CEP162: variants seen among roughly 807,000 people sequenced by gnomAD.
The protein encoded by CEP162 is centrosomal protein 162.
A neutral mutation model predicts 169.2 loss-of-function variants in CEP162; 141 were observed. That is an observed-to-expected ratio of 0.83 (90% confidence interval 0.73 to 0.96). The LOEUF is 0.96. CEP162 is among the 40% of genes least tolerant of loss of function. The pLI, the probability that CEP162 is intolerant of heterozygous loss-of-function variation, is 0.00. For synonymous variants in CEP162, 540 were observed against 526.4 expected, an observed-to-expected ratio of 1.03 and a Z score of -0.35; for missense variants, 1,600 against 1,587.2, an observed-to-expected ratio of 1.01 and a Z score of -0.14.
chr6:84,153,974 G>C (rs771216728), intron 22 of CEP162, among the ~76,000 whole-genome samples: 9 of 152,130 alleles, frequency 5.9e-5, no homozygotes, highest in Non-Finnish European at 1.3e-4. Context: ...CACAGAGATA[G>C]CACATTTATG....
In CEP162 at chr6:84,215,845, C is replaced by T. The variant is rs143408529; in HGVS notation, c.250G>A (p.Ala84Thr). 3 of 1,585,436 alleles carry T rather than the reference C, an allele frequency of 1.9e-6. No homozygotes were observed. The Admixed American group carries it at 5.4e-5, about 28-fold the overall frequency. The change falls in exon 4 of 27, where the codon GCT becomes ACT. Residue 84 changes from alanine (A) to threonine (T), a missense_variant. Transcript: ENST00000403245. ...QPVMEIEEES[A>T]EKIQFLKSSG... ...CTCTTAAGAAATTGAATCTTTTCAG[C>T]AGACTCCTCTTCTATTTCCATAACA... is the stretch of plus-strand genomic sequence containing the variant.
chr6:84,187,605 T>C (rs927766443), intron 11 of CEP162, among the ~76,000 whole-genome samples: 2 of 152,198 alleles, frequency 1.3e-5, no homozygotes, highest in African/African-American at 4.8e-5. Context: ...CCCTTTAGAA[T>C]GTGAGTGCTA....
At chr6:84,217,003 C>G (rs1415402446) in intron 3 of CEP162, among the ~76,000 whole-genome samples, 2 of 151,998 alleles carry the variant, frequency 1.3e-5, no homozygotes, top group African/African-American at 4.8e-5. Context: ...TTATTTTATT[C>G]AAATTTTTTG....
chr6:84,224,294 C>T (rs962109782), intron 2 of CEP162, among the ~76,000 whole-genome samples: 2 of 152,108 alleles, frequency 1.3e-5, no homozygotes, highest in Non-Finnish European at 2.9e-5. Context: ...CCAAAGGGCC[C>T]CATAATATAT....
intron 15 of CEP162, among the ~76,000 whole-genome samples, 169 bp from the exon 16 acceptor site, chr6:84,174,357 G>T (rs1436611947): frequency 1.3e-5 from 2 of 152,248 alleles, no homozygotes; most frequent in Middle Eastern, 3.4e-3. Context: ...TTGTGCTGAT[G>T]GTGCTGGGTG....
chr6:84,149,901 A>C lies in CEP162; in HGVS notation c.3630-198T>G, dbSNP rs139304354. The stretch of plus-strand genomic sequence containing the variant: ...ATGACCAATCCATGAGCTACTATTT[A>C]CTGAATTTTATAAGGGCAAACTTGA... On this transcript the variant is annotated intron_variant, in intron 23 of 26. Coordinates refer to ENST00000403245, the MANE Select transcript of CEP162 (RefSeq NM_014895.4). 1.1e-4 allele frequency among the ~76,000 whole-genome samples: 17 copies of C among 152,274 alleles called. No homozygotes were observed. In the East Asian group the frequency reaches 3.3e-3, roughly 29 times the overall value.
chr6:84,124,810 C>G lies in CEP162; in HGVS notation c.*260G>C. 2.3e-6 allele frequency: 1 copy of G among 439,042 alleles called. No individual in the cohort carries two copies. The highest frequency in any genetic ancestry group is 4.4e-5 in the Admixed American group (1 of 22,712). The allele number at this position is 439,042 out of a possible 1,614,324, so 27.2% of individuals were successfully genotyped here. A position where few individuals can be genotyped will look rare whatever the true frequency, so the allele number is the denominator to read the frequency against. ...TTCTTTTCTTTCTATTTCTAGCATA[C>G]AAGTGAGCCCTTCTCTGCTATAAAG... On this transcript the variant is annotated 3_prime_UTR_variant, in exon 27 of 27. Transcript: ENST00000403245.
chr6:84,226,938 T>A (rs2099555970), intron 1 of CEP162, among the ~76,000 whole-genome samples: 1 of 152,200 alleles, frequency 6.6e-6, no homozygotes, highest in Non-Finnish European at 1.5e-5. Flanking sequence ...GCAGACTGTA[T>A]CCAGATACGG....
chr6:84,194,814 A>G, intron 10 of CEP162, 70 bp downstream of exon 10: 3 of 1,155,134 alleles, frequency 2.6e-6, no homozygotes, highest in Non-Finnish European at 3.7e-6. Flanking sequence ...ATTGTATTTT[A>G]ATTATATTAC....
chr6:84,174,706 C>T, intron 15 of CEP162, 21 bp downstream of exon 15: 2 of 1,044,282 alleles, frequency 1.9e-6, no homozygotes, highest in Non-Finnish European at 2.7e-6. Flanking sequence ...TAAAAAAATA[C>T]CAGAACAATG....
Position 84,175,266 on chromosome 6 carries a change from C to G in CEP162, c.1745G>C (p.Arg582Pro). 2 of 1,546,332 alleles carry G rather than the reference C, an allele frequency of 1.3e-6. No individual in the cohort carries two copies. The highest frequency in any genetic ancestry group is 8.7e-7 in the Non-Finnish European group (1 of 1,143,842). Residue 582 changes from arginine to proline, a missense_variant, in exon 14 of 27, where the codon CGT becomes CCT. Arg to Pro is a moderately radical substitution (Grantham distance 103). Coordinates refer to ENST00000403245, the MANE Select transcript of CEP162 (RefSeq NM_014895.4). ...AHKTESCLST[R>P]KKSENPTETD... is the part of the protein sequence containing the mutation. ...TTCTGTGGGATTTTCAGACTTCTTA[C>G]GAGTAGACAGGCAACTTTCAGTTTT...
At chr6:84,206,307 T>C (rs1446626413) in intron 6 of CEP162, among the ~76,000 whole-genome samples, 1 of 150,154 alleles carries the variant, frequency 6.7e-6, no homozygotes, top group Non-Finnish European at 1.5e-5. Flanking sequence ...TCATGCTACC[T>C]GACTTCAAAC....
At chr6:84,147,725 C>T (rs775236618) in intron 24 of CEP162, among the ~76,000 whole-genome samples, 1 of 151,950 alleles carries the variant, frequency 6.6e-6, no homozygotes, top group African/African-American at 2.4e-5. Context: ...AAAAGGTAGA[C>T]AATATTATCT....
chr6:84,156,743 GAC>G (rs71736099), intron 21 of CEP162, among the ~76,000 whole-genome samples: 309 of 125,144 alleles, frequency 2.5e-3, no homozygotes, highest in Middle Eastern at 3.7e-3. Flanking sequence ...GTATCAAAAA[GAC>G]ACACACACAC....
At chr6:84,195,776 CTTCTTTTGAATGCCTCT>C (rs1433929489) in intron 9 of CEP162, among the ~76,000 whole-genome samples, 3 of 152,206 alleles carry the variant, frequency 2.0e-5, no homozygotes, top group Non-Finnish European at 4.4e-5. Context: ...CTTCAGCCCT[CTTCTTTTGAATGCCTCT>C]CACTTACTAG....
intron 5 of CEP162, among the ~76,000 whole-genome samples, chr6:84,214,351 C>T (rs2099550725): frequency 6.6e-6 from 1 of 152,216 alleles, no homozygotes; most frequent in South Asian, 2.1e-4. Flanking sequence ...TGAATACATC[C>T]ATTATGGATC....
At position 84,135,117 on chromosome 6, in the gene CEP162, ATAAC is replaced by A. The variant is rs59277533; in HGVS notation, c.3871-8609_3871-8606del. ...AATCTGGAAGGATATAGAGCAAAAT[ATAAC>A]TAGGTAGTGGGATTATAGTGATTTT... On this transcript the variant is annotated intron_variant, in intron 25 of 26. Transcript: ENST00000403245. Among the ~76,000 whole-genome samples the A allele has an allele frequency of 4.5e-3, 679 of 152,314 alleles. 4 individuals are homozygous for A. The highest frequency in any genetic ancestry group is 0.014 in the African/African-American group (598 of 41,572).
At chr6:84,128,937 C>T (rs527273512) in intron 25 of CEP162, among the ~76,000 whole-genome samples, 85 of 151,290 alleles carry the variant, frequency 5.6e-4, no homozygotes, top group African/African-American at 1.8e-3. Flanking sequence ...TGAGAACATG[C>T]GGTGTTTGGT....
intron 23 of CEP162, among the ~76,000 whole-genome samples, chr6:84,152,036 T>TG (rs960485842): frequency 6.6e-6 from 1 of 151,982 alleles, no homozygotes; most frequent in Non-Finnish European, 1.5e-5. Flanking sequence ...AAAGAGACAG[T>TG]GGATAGCAAA....
Sources: gnomAD v4.1 joint callset for allele counts (sites outside exome capture counted in the v4.1 genomes callset) on GRCh38, gnomAD v4.1.1 for gene constraint, MANE v1.5 for transcripts, NCBI Gene and HGNC (gene_info 2026-07-23, HGNC 2026-07-21) for gene names.